The following SPATA17 variants were observed in gnomAD, a reference collection of about 807,000 sequenced individuals.
SPATA17 encodes the protein spermatogenesis-associated protein 17.
SPATA17 carries 53 observed loss-of-function variants against 62.2 expected under a neutral mutation model. The ratio of observed to expected loss-of-function variants is 0.85; its 90% CI spans 0.68 to 1.07. SPATA17 has a LOEUF of 1.07. Among genes scored for constraint, SPATA17 ranks in the 50% least tolerant of loss-of-function variants. The pLI, the probability that SPATA17 is intolerant of heterozygous loss-of-function variation, is 0.00. For missense variants in SPATA17, 466 were observed against 425.5 expected (o/e 1.10, Z -0.84); for synonymous variants, 146 against 146.8 (o/e 0.99, Z 0.04).
chr1:217,648,790 T>A (rs1571703650), intron 1 of SPATA17, 92 bp from the exon 2 acceptor site: 1 of 651,544 alleles, frequency 1.5e-6, no homozygotes, highest in Admixed American at 3.0e-5. Context: ...AATTATCATC[T>A]TGGAAGAAAT....
chr1:217,807,029 G>GA (rs1674450746), intron 9 of SPATA17, among the ~76,000 whole-genome samples: 2 of 152,002 alleles, frequency 1.3e-5, no homozygotes, highest in South Asian at 4.2e-4. Context: ...TATAGATAGG[G>GA]AAAAAAATTG....
chr1:217,641,756 C>T (rs1324631134), intron 1 of SPATA17, among the ~76,000 whole-genome samples: 1 of 152,080 alleles, frequency 6.6e-6, no homozygotes, highest in Non-Finnish European at 1.5e-5. Flanking sequence ...GCCCCAAATT[C>T]TTTACACACA....
chr1:217,763,510 G>A (rs1673222424), intron 6 of SPATA17, among the ~76,000 whole-genome samples: 1 of 152,082 alleles, frequency 6.6e-6, no homozygotes, highest in African/African-American at 2.4e-5. Flanking sequence ...GCTAAAATGA[G>A]GTTGGAACAG....
At chr1:217,646,228 A>G (rs1670178395) in intron 1 of SPATA17, among the ~76,000 whole-genome samples, 1 of 152,162 alleles carries the variant, frequency 6.6e-6, no homozygotes, top group Non-Finnish European at 1.5e-5. Flanking sequence ...CTACATGTGT[A>G]TACATCCTTA....
chr1:217,765,159 C>CT (rs141466369), intron 6 of SPATA17, among the ~76,000 whole-genome samples: 4,661 of 150,208 alleles, frequency 0.031, 105 homozygotes, highest in Middle Eastern at 0.06. Flanking sequence ...ATCTTCTTTC[C>CT]TTTTTTTTTG....
Position 217,869,894 on chromosome 1 carries a change from G to A in SPATA17, c.*2875G>A, listed in dbSNP as rs1363456191. On this transcript the variant is annotated 3_prime_UTR_variant, in exon 11 of 11. Transcript: ENST00000366933. ...CTTTATTTTTAGATTACAGCATATT[G>A]CTTTTGCACTATCATAAAGTAAAAA... 6.6e-6 allele frequency: 1 copy of A among 151,970 alleles called. No homozygotes were observed. Among genetic ancestry groups the A allele is most frequent in the Non-Finnish European group, 1.5e-5 (1 of 67,992 alleles). 9.4% of individuals were successfully genotyped at this position (151,970 alleles called of 1,614,324 possible). A position where few individuals can be genotyped will look rare whatever the true frequency, so the allele number is the denominator to read the frequency against.
intron 6 of SPATA17, among the ~76,000 whole-genome samples, chr1:217,749,764 G>A (rs1447870056): frequency 6.6e-6 from 1 of 151,214 alleles, no homozygotes; most frequent in Non-Finnish European, 1.5e-5. Flanking sequence ...TTTGCAGTTT[G>A]TAAGCCTCCA....
chr1:217,746,129 C>A (rs1386892863), intron 6 of SPATA17, among the ~76,000 whole-genome samples: 2 of 151,854 alleles, frequency 1.3e-5, no homozygotes, highest in Non-Finnish European at 2.9e-5. Context: ...TATTTATAGA[C>A]CTTTAAGTAC....
chr1:217,730,838 C>T (rs957580660), intron 5 of SPATA17, among the ~76,000 whole-genome samples: 1 of 151,668 alleles, frequency 6.6e-6, no homozygotes, highest in Non-Finnish European at 1.5e-5. Flanking sequence ...TTCATATTGC[C>T]GATTTTGAGT....
chr1:217,818,035 T>C (rs1174125765), intron 9 of SPATA17, among the ~76,000 whole-genome samples: 1 of 152,090 alleles, frequency 6.6e-6, no homozygotes, highest in Non-Finnish European at 1.5e-5. Flanking sequence ...TTATATTTTA[T>C]ATGATTAGAT....
intron 5 of SPATA17, chr1:217,737,947 C>G (rs1189614053): frequency 6.6e-6 from 1 of 152,526 alleles, no homozygotes; most frequent in African/African-American, 2.4e-5. Flanking sequence ...GCCTGAGCCT[C>G]CTGAGTAGCT....
rs1330635322 is a variant in SPATA17, at chr1:217,656,073, G to C, written c.240+4895G>C. ...TAGTTTTTGTATTTTTAGTAGAGAT[G>C]GGGTTTCACCATGTTGGCCAGGCTG... On this transcript the variant is annotated intron_variant, in intron 3 of 10. Transcript: ENST00000366933. Among the ~76,000 whole-genome samples the C allele has an allele frequency of 2.6e-5, 4 of 151,796 alleles. No homozygotes were observed. The East Asian group carries it at 5.8e-4, about 22-fold the overall frequency.
chr1:217,726,972 G>A (rs372103848), intron 5 of SPATA17, among the ~76,000 whole-genome samples: 9 of 152,098 alleles, frequency 5.9e-5, no homozygotes, highest in African/African-American at 1.4e-4. Flanking sequence ...TACTGTCGGG[G>A]AGCGGTGGCT....
rs182604872 is a variant in SPATA17 at position 217,707,640 on chromosome 1, C to T, written c.395+24279C>T. ...ATCCCACTGACAGTATTAGACAGAA[C>T]GTTGAGGCAGAAAACTAACAAAGAT... is the stretch of plus-strand genomic sequence containing the variant. On this transcript the variant is annotated intron_variant, in intron 5 of 10. Transcript: ENST00000366933. Among the ~76,000 whole-genome samples the T allele has an allele frequency of 7.7e-4, 117 of 152,266 alleles. 1 individual carries two copies. The Middle Eastern group carries it at 0.017, about 22-fold the overall frequency.
intron 5 of SPATA17, among the ~76,000 whole-genome samples, chr1:217,715,572 C>G (rs1358356905): frequency 6.6e-6 from 1 of 151,980 alleles, no homozygotes; most frequent in African/African-American, 2.4e-5. Context: ...CTTTCAAGAT[C>G]CCTAGGCAGC....
chr1:217,758,256 G>A (rs1673094134), intron 6 of SPATA17, among the ~76,000 whole-genome samples: 1 of 152,066 alleles, frequency 6.6e-6, no homozygotes, highest in African/African-American at 2.4e-5. Context: ...TTAATAAGTA[G>A]CCCAATATCA....
intron 4 of SPATA17, among the ~76,000 whole-genome samples, chr1:217,678,221 T>G (rs1283049499): frequency 2.7e-5 from 4 of 147,416 alleles, no homozygotes; most frequent in Admixed American, 6.8e-5. Flanking sequence ...TTTTTTTTTT[T>G]TTTTTGAGAT....
intron 4 of SPATA17, among the ~76,000 whole-genome samples, chr1:217,681,162 GGTTACAGT>G (rs1671075388): frequency 6.6e-6 from 1 of 151,182 alleles, no homozygotes; most frequent in South Asian, 2.1e-4. Context: ...GGGAGTTGGA[GGTTACAGT>G]GAACCGAAAT....
intron 9 of SPATA17, among the ~76,000 whole-genome samples, chr1:217,853,282 GAAATT>G (rs1362485798): frequency 2.0e-5 from 3 of 151,982 alleles, no homozygotes; most frequent in Non-Finnish European, 4.4e-5. Context: ...TTATGTCAGT[GAAATT>G]ACACTTAAAT....
Sources: gnomAD v4.1 joint callset for allele counts (sites outside exome capture counted in the v4.1 genomes callset) on GRCh38, gnomAD v4.1.1 for gene constraint, MANE v1.5 for transcripts, NCBI Gene and HGNC (gene_info 2026-07-23, HGNC 2026-07-21) for gene names.